ANGPT4: variants seen among roughly 807,000 people sequenced by gnomAD.
The protein encoded by ANGPT4 is angiopoietin 4.
In ANGPT4, 50 loss-of-function variants were observed where a neutral mutation model predicts 53.0. The ratio of observed to expected loss-of-function variants is 0.94; its 90% confidence interval spans 0.75 to 1.20. ANGPT4 has a LOEUF of 1.20. ANGPT4 is among the 50% of genes most tolerant of loss of function. The pLI, the probability that ANGPT4 is intolerant of heterozygous loss-of-function variation, is 0.00. For missense variants in ANGPT4, 648 were observed against 637.1 expected (o/e 1.02, Z -0.18); for synonymous variants, 251 against 259.7 (o/e 0.97, Z 0.32).
chr20:884,463 CTGAG>C (rs1981529189), intron 4 of ANGPT4, among the ~76,000 whole-genome samples: 1 of 152,234 alleles, frequency 6.6e-6, no homozygotes, highest in Non-Finnish European at 1.5e-5. Context: ...TGTTTGTTGA[CTGAG>C]TGATTGCAGC....
At chr20:884,109 C>T (rs1568831595) in intron 4 of ANGPT4, among the ~76,000 whole-genome samples, 1 of 152,176 alleles carries the variant, frequency 6.6e-6, no homozygotes, top group African/African-American at 2.4e-5. Flanking sequence ...TCTCTCTCAT[C>T]AGGACATCTC....
At chr20:901,116 A>T (rs902877913) in intron 1 of ANGPT4, among the ~76,000 whole-genome samples, 2 of 151,960 alleles carry the variant, frequency 1.3e-5, no homozygotes, top group Admixed American at 1.3e-4. Context: ...ATCTCTCCAT[A>T]CCACCTCCAA....
chr20:885,667 T>C (rs1308406048), intron 3 of ANGPT4, among the ~76,000 whole-genome samples: 1 of 152,168 alleles, frequency 6.6e-6, no homozygotes, highest in East Asian at 1.9e-4. Context: ...CCTGGGGACT[T>C]GCTTGTAATA....
intron 7 of ANGPT4, among the ~76,000 whole-genome samples, chr20:875,879 C>T (rs1981146475): frequency 6.6e-6 from 1 of 152,112 alleles, no homozygotes; most frequent in African/African-American, 2.4e-5. Context: ...CCTGTAATCC[C>T]CGCACTTTGG....
intron 3 of ANGPT4, 123 bp downstream of exon 3, chr20:888,195 C>T (rs1045512270): frequency 4.5e-5 from 60 of 1,336,594 alleles, no homozygotes; most frequent in African/African-American, 7.5e-5. Flanking sequence ...CACCAGCCCA[C>T]GTCCAGCTTC....
chr20:890,908 G>T (rs774879177), intron 1 of ANGPT4, among the ~76,000 whole-genome samples: 1 of 152,102 alleles, frequency 6.6e-6, no homozygotes, highest in Non-Finnish European at 1.5e-5. Context: ...CCGCATCTGC[G>T]TGGCACACCT....
chr20:884,997 A>G (rs2122782876), intron 4 of ANGPT4, 81 bp downstream of exon 4: 1 of 1,565,254 alleles, frequency 6.4e-7, no homozygotes, highest in Non-Finnish European at 8.7e-7. Flanking sequence ...AGGCGCCCAG[A>G]GACCCTGGAG....
intron 1 of ANGPT4, among the ~76,000 whole-genome samples, chr20:906,823 T>C (rs753086063): frequency 1.3e-5 from 2 of 152,232 alleles, no homozygotes; most frequent in Non-Finnish European, 2.9e-5. Context: ...GCTTTTCTTC[T>C]GGGTCAGGCT....
intron 4 of ANGPT4, among the ~76,000 whole-genome samples, chr20:883,677 C>T (rs1471144615): frequency 6.6e-6 from 1 of 152,164 alleles, no homozygotes; most frequent in Non-Finnish European, 1.5e-5. Context: ...GTGAGGTGCC[C>T]AACACAACCT....
chr20:913,930 C>T (rs1026916043), intron 1 of ANGPT4, among the ~76,000 whole-genome samples: 2 of 152,166 alleles, frequency 1.3e-5, no homozygotes, highest in African/African-American at 4.8e-5. Flanking sequence ...GGAGTCGTCT[C>T]AGGCAGCTTT....
chr20:899,071 A>G (rs1982171263), intron 1 of ANGPT4, among the ~76,000 whole-genome samples: 1 of 152,176 alleles, frequency 6.6e-6, no homozygotes, highest in Non-Finnish European at 1.5e-5. Context: ...CAGATGCTTT[A>G]GGTAACTCTT....
chr20:882,614 C>T (rs747354508), intron 4 of ANGPT4, among the ~76,000 whole-genome samples: 1 of 152,140 alleles, frequency 6.6e-6, no homozygotes, highest in South Asian at 2.1e-4. Context: ...GTTGGCACCC[C>T]CTCAGCTCCC....
Position 916,084 on chromosome 20 carries a change from C to T in ANGPT4, c.131G>A (p.Ser44Asn), listed in dbSNP as rs748015813. 1 of 1,614,088 alleles carries T rather than the reference C, an allele frequency of 6.2e-7. No homozygotes were observed. The highest frequency in any genetic ancestry group is 1.3e-5 in the African/African-American group (1 of 74,938). ...AGACTTGGGCAGCAAGAAGGTGTAG[C>T]TACAGTGGCCGTGCTGGACTACAAG... is the stretch of plus-strand genomic sequence containing the variant. Reference protein sequence around the residue: ...ETLVVQHGHCSYTFLLPKSEP... With the variant: ...ETLVVQHGHCNYTFLLPKSEP... Residue 44 changes from serine (S) to asparagine (N), a missense_variant, in exon 1 of 9, where the codon AGC becomes AAC. Ser to Asn is a conservative substitution (Grantham distance 46). Coordinates refer to ENST00000381922, the MANE Select transcript of ANGPT4 (RefSeq NM_015985.4).
intron 4 of ANGPT4, among the ~76,000 whole-genome samples, chr20:883,177 A>T (rs1429066653): frequency 6.6e-6 from 1 of 152,246 alleles, no homozygotes; most frequent in Non-Finnish European, 1.5e-5. Context: ...GCTAATTAAT[A>T]AGTGAAGGAG....
chr20:879,847 A>G lies in ANGPT4; in HGVS notation c.953T>C (p.Val318Ala), dbSNP rs1399293471. The stretch of plus-strand genomic sequence containing the variant: ...TCCACTGCTCTGCAGGTCACAGAAC[A>G]CCTGGAGGGGGTGGGCAAGGCACAG... ...QVSNATKPRK[V>A]FCDLQSSGGR... The change falls in exon 6 of 9, where the codon GTG becomes GCG. Residue 318 changes from valine (V) to alanine (A), a missense_variant and splice_region_variant. Transcript: ENST00000381922. The G allele has an allele frequency of 2.5e-6, 4 of 1,610,728 alleles. No individual in the cohort carries two copies. Among genetic ancestry groups the G allele is most frequent in the African/African-American group, 1.3e-5 (1 of 74,750 alleles).
At chr20:882,229 G>A (rs1176129217) in intron 4 of ANGPT4, among the ~76,000 whole-genome samples, 1 of 152,150 alleles carries the variant, frequency 6.6e-6, no homozygotes, top group African/African-American at 2.4e-5. Context: ...GGCCTGGCCT[G>A]GAAAAAGTGA....
intron 4 of ANGPT4, 91 bp downstream of exon 4, chr20:884,987 A>G (rs1344809824): frequency 7.5e-5 from 116 of 1,543,090 alleles, no homozygotes; most frequent in Non-Finnish European, 1.0e-4. Flanking sequence ...AATGGCTCCC[A>G]GGCGCCCAGA....
Position 890,356 on chromosome 20 carries a change from TG to T in ANGPT4, c.321del (p.Ile108SerfsTer5). The T allele has an allele frequency of 6.3e-7, 1 of 1,574,846 alleles. No homozygotes were observed. The highest frequency in any genetic ancestry group is 8.6e-7 in the Non-Finnish European group (1 of 1,159,354). ...AGCTTCGACCTCAAGATCGTCTTGA[TG>T]GCCCTCTCTAGCTGTGGGAGACCAT... is the stretch of plus-strand genomic sequence containing the variant. ...NTQWLKKLER[A>X]IKTILRSKLE... On this transcript the variant is annotated frameshift_variant, in exon 2 of 9. Transcript: ENST00000381922. LOFTEE classifies it high-confidence loss of function.
Position 879,787 on chromosome 20 carries a change from C to T in ANGPT4, c.1013G>A (p.Gly338Asp). The T allele has an allele frequency of 1.2e-6, 2 of 1,613,654 alleles. No homozygotes were observed. The highest frequency in any genetic ancestry group is 8.5e-7 in the Non-Finnish European group (1 of 1,179,776). ...RWTLIQRRENGTVNFQRNWKD... is the reference protein window; with the variant it reads ...RWTLIQRRENDTVNFQRNWKD... ...CCAGTTCCGCTGAAAATTCACGGTG[C>T]CATTCTCACGGCGCTGGATGAGGGT... Residue 338 changes from glycine to aspartate, a missense_variant, in exon 6 of 9, where the codon GGC (glycine) becomes GAC (aspartate). Coordinates refer to ENST00000381922, the MANE Select transcript of ANGPT4 (RefSeq NM_015985.4).
Sources: allele counts gnomAD v4.1 joint callset (sites outside exome capture counted in the v4.1 genomes callset), GRCh38; gene constraint gnomAD v4.1.1; transcripts MANE v1.5; gene names NCBI Gene and HGNC (gene_info 2026-07-23, HGNC 2026-07-21).